Variants in SPATS2L observed in about 807,000 individuals in gnomAD.
The protein encoded by SPATS2L is SPATS2-like protein.
SPATS2L carries 30 observed loss-of-function variants against 59.6 expected under a neutral mutation model. The ratio of observed to expected loss-of-function variants is 0.50; its 90% CI spans 0.38 to 0.68. The LOEUF is 0.68. SPATS2L is among the 30% of genes least tolerant of loss of function. SPATS2L has a pLI of 0.00. For synonymous variants in SPATS2L, 252 were observed against 263.5 expected, an observed-to-expected ratio of 0.96 and a Z score of 0.42; for missense variants, 615 against 700.0, an observed-to-expected ratio of 0.88 and a Z score of 1.37.
intron 8 of SPATS2L, 69 bp downstream of exon 8, chr2:200,440,853 A>G (rs1421333046): frequency 6.5e-7 from 1 of 1,540,332 alleles, no homozygotes; most frequent in Non-Finnish European, 8.8e-7. Flanking sequence ...AAAGTATCAG[A>G]TGGAAAACGT....
intron 2 of SPATS2L, among the ~76,000 whole-genome samples, chr2:200,385,746 G>C (rs2081970416): frequency 6.6e-6 from 1 of 151,884 alleles, no homozygotes; most frequent in African/African-American, 2.4e-5. Context: ...AGGCTGGAGT[G>C]CAGTGGTGCG....
chr2:200,461,826 G>A (rs942708727), intron 9 of SPATS2L, among the ~76,000 whole-genome samples: 6 of 152,076 alleles, frequency 3.9e-5, no homozygotes, highest in African/African-American at 7.2e-5. Context: ...AATAGCTATC[G>A]TTATTTTTGT....
At chr2:200,376,396 G>A (rs2081601029) in intron 2 of SPATS2L, among the ~76,000 whole-genome samples, 1 of 152,178 alleles carries the variant, frequency 6.6e-6, no homozygotes, top group South Asian at 2.1e-4. Context: ...GACTGCATTA[G>A]AATAAACTAA....
chr2:200,426,668 A>C (rs2083601110), intron 6 of SPATS2L, among the ~76,000 whole-genome samples: 1 of 152,232 alleles, frequency 6.6e-6, no homozygotes, highest in Non-Finnish European at 1.5e-5. Flanking sequence ...TCAAGGCTGC[A>C]GTAAGCCATG....
intron 12 of SPATS2L, among the ~76,000 whole-genome samples, chr2:200,475,333 C>T (rs1346286886): frequency 6.6e-6 from 1 of 152,258 alleles, no homozygotes; most frequent in East Asian, 1.9e-4. Context: ...GACATGTGCC[C>T]AAGGTGGTGG....
chr2:200,473,770 T>C (rs1397935925), intron 12 of SPATS2L, among the ~76,000 whole-genome samples: 2 of 152,104 alleles, frequency 1.3e-5, no homozygotes, highest in Admixed American at 1.3e-4. Context: ...GAGGCCAAGG[T>C]GGGCAGATCA....
intron 1 of SPATS2L, among the ~76,000 whole-genome samples, chr2:200,307,255 C>T (rs926777279): frequency 3.3e-5 from 5 of 151,652 alleles, no homozygotes; most frequent in Non-Finnish European, 7.4e-5. Flanking sequence ...CGCCCCGGAT[C>T]TGAATCGCCC....
intron 1 of SPATS2L, among the ~76,000 whole-genome samples, chr2:200,325,630 T>A (rs1176075147): frequency 2.0e-5 from 3 of 152,126 alleles, no homozygotes; most frequent in African/African-American, 7.2e-5. Flanking sequence ...CTGCCTGCCT[T>A]AGCCTCCCAA....
Position 200,464,013 on chromosome 2 carries a change from A to C in SPATS2L, c.848-3277A>C, listed in dbSNP as rs1008201554. On this transcript the variant is annotated intron_variant, in intron 9 of 12. Coordinates refer to ENST00000409140, the MANE Select transcript of SPATS2L (RefSeq NM_001100423.2). ...AAATCCTATTGAGAAAGTGGATTTC[A>C]GCTTACCAGATACTGTTTATACATA... Among the ~76,000 whole-genome samples the C allele has an allele frequency of 3.3e-5, 5 of 152,284 alleles. No homozygotes were observed. The East Asian group carries it at 7.7e-4, about 23-fold the overall frequency.
At chr2:200,310,893 G>A (rs570689038) in intron 1 of SPATS2L, among the ~76,000 whole-genome samples, 1 of 152,204 alleles carries the variant, frequency 6.6e-6, no homozygotes, top group Non-Finnish European at 1.5e-5. Context: ...AGCCTGCCCT[G>A]ATCATGTTAC....
At chr2:200,408,490 A>G (rs1455752730) in intron 3 of SPATS2L, among the ~76,000 whole-genome samples, 1 of 152,160 alleles carries the variant, frequency 6.6e-6, no homozygotes, top group African/African-American at 2.4e-5. Context: ...TGCTGATCAC[A>G]CAGCTGTGTG....
intron 6 of SPATS2L, among the ~76,000 whole-genome samples, chr2:200,423,184 G>A (rs976702435): frequency 1.3e-5 from 2 of 152,202 alleles, no homozygotes; most frequent in African/African-American, 2.4e-5. Flanking sequence ...TGTTTGGACC[G>A]CAGTTGACCA....
chr2:200,475,565 T>C (rs1187570484), intron 12 of SPATS2L, among the ~76,000 whole-genome samples: 2 of 152,242 alleles, frequency 1.3e-5, no homozygotes, highest in African/African-American at 4.8e-5. Flanking sequence ...GATATGCATT[T>C]ATCTCAGTGA....
At chr2:200,458,395 A>G (rs569433140) in intron 8 of SPATS2L, among the ~76,000 whole-genome samples, 1 of 152,192 alleles carries the variant, frequency 6.6e-6, no homozygotes, top group Non-Finnish European at 1.5e-5. Context: ...AGTAGTTCAT[A>G]TCGTATACTT....
chr2:200,384,324 G>A (rs1009805561), intron 2 of SPATS2L, among the ~76,000 whole-genome samples: 5 of 147,742 alleles, frequency 3.4e-5, no homozygotes, highest in Non-Finnish European at 5.9e-5. Flanking sequence ...AACCATATTT[G>A]TGGTTCATAA....
chr2:200,418,938 A>AAAACCATATAGAGG (rs1434267464), intron 5 of SPATS2L, among the ~76,000 whole-genome samples: 6 of 152,150 alleles, frequency 3.9e-5, no homozygotes, highest in Non-Finnish European at 7.3e-5. Flanking sequence ...TTATCACCAG[A>AAAACCATATAGAGG]TTTTACTATA....
At chr2:200,306,239 A>G, upstream of SPATS2L, 1 of 1,002,412 alleles carries the variant, frequency 1.0e-6, no homozygotes. Flanking sequence ...TTCTAAAAGG[A>G]AAAACATCTC....
chr2:200,384,815 T>A (rs1380089465), intron 2 of SPATS2L, among the ~76,000 whole-genome samples: 3 of 152,248 alleles, frequency 2.0e-5, no homozygotes, highest in Non-Finnish European at 2.9e-5. Flanking sequence ...TATATCTACA[T>A]ATGTTTATAA....
chr2:200,353,422 C>A (rs776212508), intron 2 of SPATS2L, among the ~76,000 whole-genome samples: 1 of 152,178 alleles, frequency 6.6e-6, no homozygotes, highest in African/African-American at 2.4e-5. Flanking sequence ...CACACATCTG[C>A]CTAACTATTC....
Sources: allele counts gnomAD v4.1 joint callset (sites outside exome capture counted in the v4.1 genomes callset), GRCh38; gene constraint gnomAD v4.1.1; transcripts MANE v1.5; gene names NCBI Gene and HGNC (gene_info 2026-07-23, HGNC 2026-07-21).